The following RUNX1 variants were observed in gnomAD, a reference collection of about 807,000 sequenced individuals.
The protein encoded by RUNX1 is runt-related transcription factor 1.
A neutral mutation model predicts 42.8 loss-of-function variants in RUNX1; 19 were observed. That is an observed-to-expected ratio of 0.44 (90% CI 0.31 to 0.65). The LOEUF (loss-of-function observed/expected upper bound fraction) is 0.65, where lower values mean the gene tolerates loss of function less well. Ranked by LOEUF, RUNX1 falls within the 30% of genes least tolerant of loss-of-function variation. RUNX1 has a pLI of 0.07. For missense variants in RUNX1, 528 were observed against 672.0 expected (o/e 0.79, Z 2.37); for synonymous variants, 271 against 289.4 (o/e 0.94, Z 0.64).
intron 6 of RUNX1, among the ~76,000 whole-genome samples, chr21:34,835,365 G>A (rs915341173): frequency 2.6e-5 from 4 of 152,132 alleles, no homozygotes; most frequent in African/African-American, 9.7e-5. Context: ...AGCCTATCTG[G>A]TGAGCTTCCC....
chr21:34,873,928 C>T (rs2057776051), intron 5 of RUNX1, among the ~76,000 whole-genome samples: 1 of 152,222 alleles, frequency 6.6e-6, no homozygotes, highest in South Asian at 2.1e-4. Flanking sequence ...TGTCCCCATG[C>T]CCCGCCAGGG....
chr21:34,816,907 C>G (rs2056834933), intron 7 of RUNX1, among the ~76,000 whole-genome samples: 1 of 152,164 alleles, frequency 6.6e-6, no homozygotes, highest in Non-Finnish European at 1.5e-5. Flanking sequence ...TGGCCCAGAA[C>G]AAGGCAGGGA....
intron 3 of RUNX1, chr21:34,888,713 C>T: frequency 5.8e-6 from 6 of 1,030,530 alleles, no homozygotes; most frequent in Non-Finnish European, 7.0e-6. Flanking sequence ...TGGAAATGAA[C>T]GTGCTTTTAC....
chr21:34,991,690 C>T (rs182015904), intron 2 of RUNX1, among the ~76,000 whole-genome samples: 132 of 152,306 alleles, frequency 8.7e-4, no homozygotes, highest in African/African-American at 3.1e-3. Flanking sequence ...ACGGCTCCCA[C>T]GTCTGTATGG....
At chr21:34,930,289 T>A (rs185734640) in intron 2 of RUNX1, among the ~76,000 whole-genome samples, 86 of 137,300 alleles carry the variant, frequency 6.3e-4, no homozygotes, top group South Asian at 4.9e-3. Flanking sequence ...TATATATATA[T>A]ATAAATAAAT....
At position 35,010,226 on chromosome 21, in the gene RUNX1, A is replaced by C. The variant is rs17263960; in HGVS notation, c.58+38616T>G. 1.1e-3 allele frequency among the ~76,000 whole-genome samples: 173 copies of C among 152,304 alleles called. No homozygotes were observed. The East Asian group carries it at 0.013, about 12-fold the overall frequency. On this transcript the variant is annotated intron_variant, in intron 2 of 8. Transcript: ENST00000675419. ...TTTTCCTCCCTAAATTTATACCAAT[A>C]GCAAGGCATTATTACTCCATAAGCT...
At chr21:34,847,277 C>A (rs1251749605) in intron 6 of RUNX1, among the ~76,000 whole-genome samples, 1 of 152,044 alleles carries the variant, frequency 6.6e-6, no homozygotes, top group Non-Finnish European at 1.5e-5. Flanking sequence ...GTAGAGAAAA[C>A]ATTAAGATAT....
chr21:34,889,352 C>G (rs1333157849), intron 3 of RUNX1, among the ~76,000 whole-genome samples: 1 of 152,160 alleles, frequency 6.6e-6, no homozygotes, highest in Admixed American at 6.5e-5. Context: ...CGTTTGCTCT[C>G]AGCGTCTTCC....
chr21:34,889,610 C>T (rs1046328422), intron 3 of RUNX1: 30 of 1,036,056 alleles, frequency 2.9e-5, no homozygotes, highest in African/African-American at 5.2e-5. Flanking sequence ...CCTCCGGCTC[C>T]CCGGAAGCGG....
intron 2 of RUNX1, chr21:35,038,839 C>T (rs1303899736): frequency 2.3e-6 from 1 of 434,372 alleles, no homozygotes; most frequent in African/African-American, 2.0e-5. Context: ...CCGAGGCCAT[C>T]TCTGAACCCT....
In RUNX1 at chr21:34,892,962, T is replaced by C; in HGVS notation, c.60A>G (p.Glu20=). The part of the protein sequence containing the change: ...FPSYPQCFMR[E]CILGMNPSRD... ...TAGAAGGATTCATTCCAAGTATGCA[T>C]TCTGAAATAACAGAAAGTAGGAAAA... The change falls in exon 3 of 9, where the codon GAA becomes GAG. Residue 20 remains glutamate (E), a splice_region_variant and synonymous_variant. Transcript: ENST00000675419. 1 of 1,573,184 alleles carries C rather than the reference T, an allele frequency of 6.4e-7. No homozygotes were observed. Among genetic ancestry groups the C allele is most frequent in the Non-Finnish European group, 8.7e-7 (1 of 1,143,704 alleles).
At chr21:34,980,092 G>T (rs984792588) in intron 2 of RUNX1, among the ~76,000 whole-genome samples, 22 of 152,254 alleles carry the variant, frequency 1.4e-4, no homozygotes, top group Non-Finnish European at 3.2e-4. Flanking sequence ...TAAGTACCTG[G>T]CTTGACAGCA....
At chr21:34,799,183 G>T in intron 8 of RUNX1, 118 bp downstream of exon 8, 3 of 1,074,644 alleles carry the variant, frequency 2.8e-6, no homozygotes, top group Non-Finnish European at 4.3e-6. Context: ...AGTAGAGATA[G>T]GTCACCTTTA....
chr21:34,961,359 A>C (rs2058680621), intron 2 of RUNX1, among the ~76,000 whole-genome samples: 1 of 143,992 alleles, frequency 6.9e-6, no homozygotes, highest in South Asian at 2.2e-4. Context: ...CTATCTCAAA[A>C]TAATAATAAT....
At chr21:34,889,778 C>T in intron 3 of RUNX1, 1 of 1,147,696 alleles carries the variant, frequency 8.7e-7, no homozygotes, top group Non-Finnish European at 1.1e-6. Context: ...GTCCGGCGTG[C>T]GCTGCCAACT....
chr21:35,014,285 C>T (rs1241478888), intron 2 of RUNX1, among the ~76,000 whole-genome samples: 1 of 152,148 alleles, frequency 6.6e-6, no homozygotes, highest in African/African-American at 2.4e-5. Flanking sequence ...GCGTGCCATA[C>T]ATAATCAGTC....
chr21:34,949,206 G>T (rs1219967927), intron 2 of RUNX1, among the ~76,000 whole-genome samples: 1 of 152,218 alleles, frequency 6.6e-6, no homozygotes, highest in Admixed American at 6.5e-5. Context: ...TGGGGGAAAT[G>T]AGCTAAATGA....
chr21:34,891,255 G>C (rs1234668918), intron 3 of RUNX1, among the ~76,000 whole-genome samples: 2 of 152,172 alleles, frequency 1.3e-5, no homozygotes, highest in African/African-American at 2.4e-5. Context: ...TCAGCTAGGA[G>C]TTTCAACCGA....
intron 2 of RUNX1, among the ~76,000 whole-genome samples, chr21:34,991,199 GT>G (rs2058934854): frequency 6.6e-6 from 1 of 152,066 alleles, no homozygotes; most frequent in African/African-American, 2.4e-5. Flanking sequence ...GCTGCTTCAG[GT>G]TTTCTGAACA....
Sources: gnomAD v4.1 joint callset for allele counts (sites outside exome capture counted in the v4.1 genomes callset) on GRCh38, gnomAD v4.1.1 for gene constraint, MANE v1.5 for transcripts, NCBI Gene and HGNC (gene_info 2026-07-23, HGNC 2026-07-21) for gene names.